Variants in PRRC2C observed in about 807,000 individuals in gnomAD.
PRRC2C encodes proline rich coiled-coil 2C.
A neutral mutation model predicts 317.2 loss-of-function variants in PRRC2C; 72 were observed. That is an observed-to-expected ratio of 0.23 (90% confidence interval 0.19 to 0.28). PRRC2C has a LOEUF of 0.28. Among genes scored for constraint, PRRC2C ranks in the 10% least tolerant of loss-of-function variants. The pLI is 1.00. For synonymous variants in PRRC2C, 1,296 were observed against 1,205.9 expected (o/e 1.07, Z -1.55); for missense variants, 3,074 against 3,459.7 (o/e 0.89, Z 2.80).
chr1:171,533,902 G>A (rs1165333653), intron 12 of PRRC2C, among the ~76,000 whole-genome samples: 1 of 152,144 alleles, frequency 6.6e-6, no homozygotes, highest in Non-Finnish European at 1.5e-5. Context: ...GATTGTAGAC[G>A]TGAGCCACCG....
intron 1 of PRRC2C, among the ~76,000 whole-genome samples, chr1:171,498,192 T>C (rs527738542): frequency 4.6e-5 from 7 of 152,052 alleles, no homozygotes; most frequent in Non-Finnish European, 1.0e-4. Flanking sequence ...TCCTTTCTGC[T>C]CTCCTCCTCA....
chr1:171,491,790 ATAAGAG>A (rs1465862778), intron 1 of PRRC2C, among the ~76,000 whole-genome samples: 5 of 152,224 alleles, frequency 3.3e-5, no homozygotes, highest in Non-Finnish European at 5.9e-5. Context: ...AAGAAGAGTG[ATAAGAG>A]TAAAACAATA....
At chr1:171,536,500 T>G (rs1676860884) in intron 14 of PRRC2C, among the ~76,000 whole-genome samples, 1 of 152,236 alleles carries the variant, frequency 6.6e-6, no homozygotes, top group Non-Finnish European at 1.5e-5. Context: ...AAGTATTATT[T>G]AAAACTTCAG....
chr1:171,491,815 A>G (rs907729973), intron 1 of PRRC2C, among the ~76,000 whole-genome samples: 2 of 152,224 alleles, frequency 1.3e-5, no homozygotes, highest in Admixed American at 1.3e-4. Context: ...TACTTAACAC[A>G]ATTTAATCTT....
chr1:171,583,913 G>A (rs375449848), intron 28 of PRRC2C, 43 bp from the exon 29 acceptor site: 2 of 1,519,220 alleles, frequency 1.3e-6, no homozygotes, highest in Non-Finnish European at 9.1e-7. Context: ...GATTCCAGAT[G>A]AAATTAACTT....
At chr1:171,551,604 T>G (rs1680259553) in intron 18 of PRRC2C, among the ~76,000 whole-genome samples, 1 of 152,210 alleles carries the variant, frequency 6.6e-6, no homozygotes, top group African/African-American at 2.4e-5. Context: ...GGTCTAACAT[T>G]TAAGTCTTTA....
Position 171,541,864 on chromosome 1 carries a change from G to C in PRRC2C, c.4398G>C (p.Val1466=). Residue 1466 remains valine (V), a synonymous_variant, in exon 16 of 35, where the codon GTG becomes GTC. Coordinates refer to ENST00000647382, the MANE Select transcript of PRRC2C (RefSeq NM_001387844.1). The surrounding 1 kb of genome is among the most constrained non-coding windows in gnomAD (Gnocchi z 4.1). ...AVPTNGTVNN[V]AQEPVNTLGD... is the part of the protein sequence containing the mutation. ...CCACAAATGGCACAGTTAATAATGT[G>C]GCTCAAGAACCAGTTAATACTCTTG... 1 of 1,613,824 alleles carries C rather than the reference G, an allele frequency of 6.2e-7. No individual in the cohort carries two copies. The highest frequency in any genetic ancestry group is 8.5e-7 in the Non-Finnish European group (1 of 1,179,856).
intron 10 of PRRC2C, 88 bp from the exon 11 acceptor site, chr1:171,527,703 C>A (rs1674902836): frequency 1.8e-6 from 2 of 1,139,640 alleles, no homozygotes; most frequent in Non-Finnish European, 2.5e-6. Flanking sequence ...TTGCAGTGAG[C>A]CAAGATCATG....
intron 24 of PRRC2C, among the ~76,000 whole-genome samples, chr1:171,574,200 G>A (rs937362072): frequency 6.6e-6 from 1 of 151,784 alleles, no homozygotes; most frequent in African/African-American, 2.4e-5. Flanking sequence ...TAGTGTTTTA[G>A]TTATAATATT....
At chr1:171,520,584 A>T (rs1046010941) in intron 6 of PRRC2C, among the ~76,000 whole-genome samples, 6 of 152,180 alleles carry the variant, frequency 3.9e-5, no homozygotes, top group Non-Finnish European at 8.8e-5. Flanking sequence ...TTAAGACCAC[A>T]TGAAATTATG....
chr1:171,580,129 C>T (rs1174392807), intron 28 of PRRC2C, among the ~76,000 whole-genome samples, 165 bp downstream of exon 28: 1 of 152,206 alleles, frequency 6.6e-6, no homozygotes, highest in African/African-American at 2.4e-5. Context: ...GAACCTCAGC[C>T]TCTGGTAATT....
chr1:171,536,018 T>TA lies in PRRC2C; in HGVS notation c.2044-10dup. 2 of 1,552,102 alleles carry TA rather than the reference T, an allele frequency of 1.3e-6. No homozygotes were observed. Among genetic ancestry groups the TA allele is most frequent in the African/African-American group, 1.4e-5 (1 of 73,178 alleles). On this transcript the variant is annotated splice_polypyrimidine_tract_variant and intron_variant, in intron 13 of 34. Coordinates refer to ENST00000647382, the MANE Select transcript of PRRC2C (RefSeq NM_001387844.1). ...ACTAAACTCTCAAGATATGGGATCT[T>TA]ACTTTTTCAGGAACAGATGAAACAG...
At chr1:171,558,289 CTTAAAATTTTTGTT>C in intron 19 of PRRC2C, 146 bp downstream of exon 19, 2 of 1,210,204 alleles carry the variant, frequency 1.7e-6, no homozygotes, top group Non-Finnish European at 2.2e-6. Flanking sequence ...TCTCAACTTT[CTTAAAATTTTTGTT>C]TTAAGCATGT....
At position 171,583,956 on chromosome 1, in the gene PRRC2C, A is replaced by G. The variant is rs758495163; in HGVS notation, c.7410A>G (p.Arg2470=). 9.9e-6 allele frequency: 16 copies of G among 1,611,166 alleles called. No individual in the cohort carries two copies. The South Asian group carries it at 1.6e-4, about 17-fold the overall frequency. Residue 2470 remains arginine (R), a splice_region_variant and synonymous_variant, in exon 29 of 35, where the codon AGA becomes AGG. Coordinates refer to ENST00000647382, the MANE Select transcript of PRRC2C (RefSeq NM_001387844.1). ...ELFSSSLQPY[R]SQPAFMQSSL... Reference sequence around the variant, plus strand: ...TATTTTCTCTTTAATCCTTATGTAGATCTCAGCCAGCTTTTATGCAAAGCA... The same window carrying G: ...TATTTTCTCTTTAATCCTTATGTAGGTCTCAGCCAGCTTTTATGCAAAGCA...
Position 171,540,969 on chromosome 1 carries a change from C to T in PRRC2C, c.3503C>T (p.Pro1168Leu). 6.2e-7 allele frequency: 1 copy of T among 1,613,932 alleles called. No individual in the cohort carries two copies. Among genetic ancestry groups the T allele is most frequent in the Non-Finnish European group, 8.5e-7 (1 of 1,179,882 alleles). The change falls in exon 16 of 35, where the codon CCT (proline) becomes CTT (leucine). Residue 1168 changes from proline (P) to leucine (L), a missense_variant. Physicochemically the swap from Pro to Leu is moderately conservative, Grantham distance 98 (BLOSUM62 -3). Transcript: ENST00000647382. ...GCAGTTAAAAAAGAATCAACTTTGC[C>T]TCCCAGGACCTATTGGAAAGAAGCT... ...RPAVKKESTL[P>L]PRTYWKEARE...
intron 11 of PRRC2C, among the ~76,000 whole-genome samples, chr1:171,530,005 A>G (rs1675475404): frequency 6.6e-6 from 1 of 152,154 alleles, no homozygotes; most frequent in Non-Finnish European, 1.5e-5. Flanking sequence ...AAAGCTCTTT[A>G]TAACATTTCT....
intron 1 of PRRC2C, among the ~76,000 whole-genome samples, chr1:171,506,848 A>G (rs935437536): frequency 6.6e-6 from 1 of 151,862 alleles, no homozygotes; most frequent in Non-Finnish European, 1.5e-5. Context: ...TGATGTTTTC[A>G]TGTCTTTTGT....
intron 12 of PRRC2C, among the ~76,000 whole-genome samples, chr1:171,534,349 A>G (rs978240615): frequency 2.0e-5 from 3 of 152,224 alleles, no homozygotes; most frequent in South Asian, 2.1e-4. Context: ...GAGAAAGGAA[A>G]ACATTATCAT....
chr1:171,507,839 G>C (rs1180125390), intron 1 of PRRC2C, among the ~76,000 whole-genome samples: 1 of 152,110 alleles, frequency 6.6e-6, no homozygotes, highest in Non-Finnish European at 1.5e-5. Flanking sequence ...ATATTTTATA[G>C]TTTTCAGTGT....
Sources: allele counts gnomAD v4.1 joint callset (sites outside exome capture counted in the v4.1 genomes callset), GRCh38; gene constraint gnomAD v4.1.1; non-coding constraint Gnocchi (gnomAD v3.1); transcripts MANE v1.5; gene names NCBI Gene and HGNC (gene_info 2026-07-23, HGNC 2026-07-21).